PROCA1: variants seen among roughly 807,000 people sequenced by gnomAD.
PROCA1 encodes the protein protein interacting with cyclin A1.
PROCA1 carries 22 observed loss-of-function variants against 23.2 expected under a neutral mutation model. The observed-to-expected ratio is 0.95, with a 90% CI of 0.68 to 1.35. The LOEUF (loss-of-function observed/expected upper bound fraction) is 1.35, where lower values mean the gene tolerates loss of function less well. PROCA1 is among the 40% of genes most tolerant of loss of function. The pLI is 0.00. For missense variants in PROCA1, 469 were observed against 459.8 expected, an observed-to-expected ratio of 1.02 and a Z score of -0.18; for synonymous variants, 182 against 179.2, an observed-to-expected ratio of 1.02 and a Z score of -0.12.
rs1478571916 is a variant in PROCA1, at chr17:28,704,733, C to CA, written c.285dup (p.Val96CysfsTer7). The CA allele has an allele frequency of 5.0e-6, 8 of 1,614,014 alleles. No homozygotes were observed. The highest frequency in any genetic ancestry group is 5.9e-6 in the Non-Finnish European group (7 of 1,179,994). On this transcript the variant is annotated frameshift_variant, in exon 3 of 5. Coordinates refer to ENST00000682792, the MANE Select transcript of PROCA1 (RefSeq NM_001366301.1). LOFTEE classifies it high-confidence loss of function. ...CTAGAATTACAGTTGCAGTGGTTGA[C>CA]AGAGTGTAGGTGCAGGCTGTGGCGG...
intron 1 of PROCA1, chr17:28,711,188 G>T: frequency 1.7e-6 from 2 of 1,157,426 alleles, no homozygotes; most frequent in South Asian, 3.9e-5. Context: ...GCCCGCTCCC[G>T]CCCCGGCGTC....
At chr17:28,710,978 T>TGGGAAGGGAGGGAAGGAGTAGGAC in intron 1 of PROCA1, 2 of 312,616 alleles carry the variant, frequency 6.4e-6, no homozygotes, top group South Asian at 1.1e-4. Flanking sequence ...AGGAGTAGGG[T>TGGGAAGGGAGGGAAGGAGTAGGAC]GGGAAGGGAG....
At chr17:28,711,169 G>C in intron 1 of PROCA1, 7 of 1,170,478 alleles carry the variant, frequency 6.0e-6, no homozygotes, top group Non-Finnish European at 7.5e-6. Flanking sequence ...CCTCAGGGTC[G>C]ATGGAACCGC....
chr17:28,704,335 C>G lies in PROCA1; in HGVS notation c.412G>C (p.Glu138Gln), dbSNP rs1174475888. Residue 138 changes from glutamate to glutamine, a missense_variant, in exon 4 of 5, where the codon GAG becomes CAG. Physicochemically the swap from Glu to Gln is conservative, Grantham distance 29. Coordinates refer to ENST00000682792, the MANE Select transcript of PROCA1 (RefSeq NM_001366301.1). The stretch of plus-strand genomic sequence containing the variant: ...CCATACCGGAATCGCTCCACATGCT[C>G]CTCCTCCGGTGTGAGCTCAAAGCAA... ...SPCFELTPEE[E>Q]HVERFRYGWC... The G allele has an allele frequency of 1.2e-6, 2 of 1,613,986 alleles. No homozygotes were observed. Among genetic ancestry groups the G allele is most frequent in the Middle Eastern group, 1.6e-4 (1 of 6,062 alleles).
At chr17:28,711,295 G>T in intron 1 of PROCA1, 1 of 592,884 alleles carries the variant, frequency 1.7e-6, no homozygotes, top group Non-Finnish European at 2.7e-6. Flanking sequence ...GAGCGTTCCA[G>T]CTCTGGCTGG....
intron 3 of PROCA1, 58 bp downstream of exon 3, chr17:28,704,650 C>G: frequency 6.2e-7 from 1 of 1,603,718 alleles, no homozygotes. Context: ...AAGGGGAGAC[C>G]ACAATGAAAG....
Position 28,711,588 on chromosome 17 carries a change from C to A in PROCA1, c.73G>T (p.Asp25Tyr), listed in dbSNP as rs764803635. The part of the protein sequence containing the change: ...EKTEPKARSW[D>Y]ESRCRDVNRL... Reference sequence around the variant, plus strand: ...CTCTTACCGCGGCATCTGCTCTCATCCCACGAGCGGGCCTTGGGCTCGGTC... The same window carrying A: ...CTCTTACCGCGGCATCTGCTCTCATACCACGAGCGGGCCTTGGGCTCGGTC... The change falls in exon 1 of 5, where the codon GAT becomes TAT. Residue 25 changes from aspartate to tyrosine, a missense_variant. Transcript: ENST00000682792. The A allele has an allele frequency of 1.2e-6, 2 of 1,611,628 alleles. No individual in the cohort carries two copies. The highest frequency in any genetic ancestry group is 1.1e-5 in the South Asian group (1 of 90,988).
Position 28,703,926 on chromosome 17 carries a change from CTT to C in PROCA1, c.725_726del (p.Lys242ArgfsTer9). ...VIKKVKKKKE[K>X]EKDKEEMDEK... ...TCATCCATCTCCTCCTTGTCTTTCT[CTT>C]TTTCCTTTTTCTTCTTTACCTTCTT... On this transcript the variant is annotated frameshift_variant, in exon 5 of 5. Coordinates refer to ENST00000682792, the MANE Select transcript of PROCA1 (RefSeq NM_001366301.1). LOFTEE classifies it high-confidence loss of function. The C allele has an allele frequency of 1.2e-6, 2 of 1,613,554 alleles. No individual in the cohort carries two copies. Among genetic ancestry groups the C allele is most frequent in the Non-Finnish European group, 1.7e-6 (2 of 1,179,826 alleles).
At chr17:28,704,551 C>A (rs1048945754) in intron 3 of PROCA1, 116 bp from the exon 4 acceptor site, 3 of 1,544,010 alleles carry the variant, frequency 1.9e-6, no homozygotes, top group African/African-American at 2.7e-5. Context: ...AGACCTCCTC[C>A]CCATTTCTCT....
intron 1 of PROCA1, chr17:28,710,912 GC>G (rs1030442653): frequency 6.1e-6 from 8 of 1,301,862 alleles, no homozygotes; most frequent in Non-Finnish European, 8.1e-6. Context: ...GTCCTGCGGG[GC>G]CGAGGAGCTC....
Position 28,711,877 on chromosome 17 carries a change from C to G in PROCA1, c.-217G>C. 1 of 488,596 alleles carries G rather than the reference C, an allele frequency of 2.0e-6. No homozygotes were observed. The highest frequency in any genetic ancestry group is 3.6e-6 in the Non-Finnish European group (1 of 278,214). 30.3% of individuals were successfully genotyped at this position (488,596 alleles called of 1,614,324 possible). On this transcript the variant is annotated 5_prime_UTR_variant, in exon 1 of 5. Transcript: ENST00000682792. ...CCCAGCTGGGTCTCAGCGTCAGCCGCGTTCTTCATCCGGGGCCTCCGGCGC... is the reference window on the plus strand; with the variant it reads ...CCCAGCTGGGTCTCAGCGTCAGCCGGGTTCTTCATCCGGGGCCTCCGGCGC...
chr17:28,708,741 A>AAAAAAAAAAAAAC (rs2032643132), intron 1 of PROCA1, among the ~76,000 whole-genome samples: 1 of 151,770 alleles, frequency 6.6e-6, no homozygotes, highest in Non-Finnish European at 1.5e-5. Context: ...GAAAAAAAAA[A>AAAAAAAAAAAAAC]AAAAACGACA....
In PROCA1 at chr17:28,704,089, CG is replaced by C. The variant is rs1567712400; in HGVS notation, c.563del (p.Pro188ArgfsTer13). The C allele has an allele frequency of 2.5e-6, 4 of 1,589,908 alleles. No individual in the cohort carries two copies. The highest frequency in any genetic ancestry group is 3.4e-6 in the Non-Finnish European group (4 of 1,171,940). ...EEEEESKPPI[P>X]TQVGPATASP... ...AGGCGGTGGCGGGCCCCACCTGTGT[CG>C]GGATGGGGGGCTTGCTTTCCTCCTC... On this transcript the variant is annotated frameshift_variant, in exon 5 of 5. Coordinates refer to ENST00000682792, the MANE Select transcript of PROCA1 (RefSeq NM_001366301.1). LOFTEE classifies it high-confidence loss of function.
At chr17:28,709,984 G>C (rs1597741028) in intron 1 of PROCA1, among the ~76,000 whole-genome samples, 1 of 152,104 alleles carries the variant, frequency 6.6e-6, no homozygotes, top group Admixed American at 6.5e-5. Flanking sequence ...GCAGCAGAGT[G>C]AGACGGCGGG....
At chr17:28,711,333 C>A (rs1325846291) in intron 1 of PROCA1, 7 of 559,904 alleles carry the variant, frequency 1.3e-5, no homozygotes, top group Middle Eastern at 5.0e-4. Context: ...ATCCCGCGGG[C>A]GACCCAGCAG....
rs2032739352 is a variant in PROCA1, at chr17:28,710,732, CCAGAGTTCCTG to C, written c.91+827_91+837del. 3.2e-6 allele frequency: 4 copies of C among 1,258,116 alleles called. No individual in the cohort carries two copies. The South Asian group carries it at 5.1e-5, about 16-fold the overall frequency. 77.9% of individuals were successfully genotyped at this position (1,258,116 alleles called of 1,614,324 possible). ...GAGGAGACCTCTGACCAGCAGCAGTCCAGAGTTCCTGCAGCAGGAGTGACTGACAACACACA... is the reference window on the plus strand; with the variant it reads ...GAGGAGACCTCTGACCAGCAGCAGTCCAGCAGGAGTGACTGACAACACACA... On this transcript the variant is annotated intron_variant, in intron 1 of 4. Transcript: ENST00000682792.
intron 1 of PROCA1, chr17:28,711,343 G>T: frequency 1.8e-6 from 1 of 560,716 alleles, no homozygotes; most frequent in South Asian, 2.6e-5. Context: ...CGACCCAGCA[G>T]GGCCTCAGGA....
intron 1 of PROCA1, 36 bp downstream of exon 1, chr17:28,711,534 G>T: frequency 6.5e-7 from 1 of 1,549,752 alleles, no homozygotes; most frequent in Admixed American, 1.9e-5. Context: ...GAGCCGGGCC[G>T]CGCCCTCTGC....
intron 1 of PROCA1, among the ~76,000 whole-genome samples, chr17:28,708,731 GA>G (rs557817689): frequency 0.07 from 7,063 of 100,968 alleles, 250 homozygotes; most frequent in Middle Eastern, 0.13. Flanking sequence ...CCAGAAAAAG[GA>G]AAAAAAAAAA....
Sources: gnomAD v4.1 joint callset for allele counts (sites outside exome capture counted in the v4.1 genomes callset) on GRCh38, gnomAD v4.1.1 for gene constraint, MANE v1.5 for transcripts, NCBI Gene and HGNC (gene_info 2026-07-23, HGNC 2026-07-21) for gene names.